The following C8A variants were observed in gnomAD, a reference collection of about 807,000 sequenced individuals.
The protein encoded by C8A is complement C8 alpha chain.
Under a neutral mutation model 65.3 loss-of-function variants are expected in C8A, and 67 were observed. The ratio of observed to expected loss-of-function variants is 1.03; its 90% confidence interval spans 0.84 to 1.26. The LOEUF is 1.26. C8A is among the 50% of genes most tolerant of loss of function. The pLI is 0.00. For missense variants in C8A, 781 were observed against 723.9 expected (o/e 1.08, Z -0.90); for synonymous variants, 290 against 259.4 (o/e 1.12, Z -1.13).
Position 56,854,938 on chromosome 1 carries a change from A to C in C8A, c.37A>C (p.Thr13Pro), listed in dbSNP as rs1198875010. 3 of 1,613,766 alleles carry C rather than the reference A, an allele frequency of 1.9e-6. No individual in the cohort carries two copies. Among genetic ancestry groups the C allele is most frequent in the African/African-American group, 2.7e-5 (2 of 75,004 alleles). Residue 13 changes from threonine to proline, a missense_variant, in exon 1 of 11, where the codon ACT (threonine) becomes CCT (proline). Transcript: ENST00000361249. ...TGTTTTCTTCATCTTGTCTTTGATG[A>C]CTTGTCAGCCTGGGGTAACTGCACA... is the stretch of plus-strand genomic sequence containing the variant. ...AVVFFILSLM[T>P]CQPGVTAQEK...
At chr1:56,904,389 C>A (rs1644448597) in intron 7 of C8A, among the ~76,000 whole-genome samples, 1 of 152,218 alleles carries the variant, frequency 6.6e-6, no homozygotes, top group African/African-American at 2.4e-5. Context: ...GATATGGCCC[C>A]CAGCCTGCTA....
chr1:56,886,132 T>A lies in C8A; in HGVS notation c.1061T>A (p.Ile354Asn), dbSNP rs1392528560. Residue 354 changes from isoleucine to asparagine, a missense_variant, in exon 7 of 11, where the codon ATC (isoleucine) becomes AAC (asparagine). Ile to Asn is a moderately radical substitution (Grantham distance 149). Coordinates refer to ENST00000361249, the MANE Select transcript of C8A (RefSeq NM_000562.3). ...SGSMGGIYEY[I>N]LVIDKAKMES... ...TCCATGGGTGGCATTTATGAATATATCCTGGTGATTGACAAAGCAAAAATG... is the reference window on the plus strand; with the variant it reads ...TCCATGGGTGGCATTTATGAATATAACCTGGTGATTGACAAAGCAAAAATG... The A allele has an allele frequency of 1.9e-6, 3 of 1,614,014 alleles. No individual in the cohort carries two copies. Among genetic ancestry groups the A allele is most frequent in the South Asian group, 1.1e-5 (1 of 91,082 alleles).
At chr1:56,883,070 T>C (rs1196875062) in intron 5 of C8A, among the ~76,000 whole-genome samples, 1 of 152,198 alleles carries the variant, frequency 6.6e-6, no homozygotes, top group Non-Finnish European at 1.5e-5. Context: ...AGGTTTCCTT[T>C]GCTTCTTTCC....
chr1:56,877,392 C>T (rs1378367002), intron 4 of C8A, among the ~76,000 whole-genome samples: 1 of 152,088 alleles, frequency 6.6e-6, no homozygotes, highest in East Asian at 1.9e-4. Flanking sequence ...CCCAGAGACT[C>T]CTGCAAGTCT....
intron 10 of C8A, among the ~76,000 whole-genome samples, chr1:56,916,610 C>A (rs1334471825): frequency 6.6e-6 from 1 of 152,162 alleles, no homozygotes; most frequent in Non-Finnish European, 1.5e-5. Flanking sequence ...GCTGCCCCAG[C>A]AGAGGAGGGC....
At chr1:56,897,245 G>A (rs17114527) in intron 7 of C8A, among the ~76,000 whole-genome samples, 5,378 of 152,188 alleles carry the variant, frequency 0.035, 259 homozygotes, top group African/African-American at 0.1. Flanking sequence ...AATTGTAACT[G>A]GGAGAATTGT....
At chr1:56,872,613 A>C (rs1023907027) in intron 2 of C8A, among the ~76,000 whole-genome samples, 1 of 152,174 alleles carries the variant, frequency 6.6e-6, no homozygotes, top group Non-Finnish European at 1.5e-5. Flanking sequence ...GCTATATTTT[A>C]AAGGAAGGAA....
At chr1:56,879,137 G>A (rs144823581) in intron 4 of C8A, among the ~76,000 whole-genome samples, 74 of 152,154 alleles carry the variant, frequency 4.9e-4, no homozygotes, top group African/African-American at 1.7e-3. Context: ...ACAGCCCTGT[G>A]ACCTGCAAAG....
chr1:56,917,244 A>G (rs1230969367), intron 10 of C8A, among the ~76,000 whole-genome samples: 1 of 152,216 alleles, frequency 6.6e-6, no homozygotes, highest in African/African-American at 2.4e-5. Context: ...AGGATTGCAG[A>G]CCACTCTCAG....
chr1:56,859,098 A>T (rs1425392657), intron 1 of C8A, among the ~76,000 whole-genome samples: 4 of 152,192 alleles, frequency 2.6e-5, no homozygotes, highest in Non-Finnish European at 4.4e-5. Context: ...CAGAATGCTT[A>T]AAAAATGCAT....
At chr1:56,870,989 A>C (rs1321958681) in intron 2 of C8A, among the ~76,000 whole-genome samples, 4 of 152,178 alleles carry the variant, frequency 2.6e-5, no homozygotes, top group Non-Finnish European at 4.4e-5. Flanking sequence ...CCCTAAGGGA[A>C]TATTGGCACC....
intron 1 of C8A, among the ~76,000 whole-genome samples, chr1:56,862,616 T>A (rs560928509): frequency 6.6e-6 from 1 of 152,258 alleles, no homozygotes; most frequent in African/African-American, 2.4e-5. Flanking sequence ...AATAGCACCA[T>A]ATAGACTTGT....
At chr1:56,887,698 G>T (rs1365503863) in intron 7 of C8A, among the ~76,000 whole-genome samples, 1 of 152,126 alleles carries the variant, frequency 6.6e-6, no homozygotes, top group African/African-American at 2.4e-5. Context: ...GTTTACTGCA[G>T]CAGCATTCAC....
At chr1:56,880,914 G>A (rs1321873965) in intron 4 of C8A, among the ~76,000 whole-genome samples, 2 of 152,208 alleles carry the variant, frequency 1.3e-5, no homozygotes, top group African/African-American at 4.8e-5. Context: ...ATGTGGCAGA[G>A]ATGGGAAATG....
At chr1:56,881,808 AG>A (rs1332170183) in intron 5 of C8A, among the ~76,000 whole-genome samples, 174 bp downstream of exon 5, 1 of 152,178 alleles carries the variant, frequency 6.6e-6, no homozygotes, top group African/African-American at 2.4e-5. Flanking sequence ...GGGTGCTGAG[AG>A]GCAGATCATA....
rs750488731 is a variant in C8A, at chr1:56,883,603, C to G, written c.777C>G (p.Ser259Arg). 2 of 1,613,878 alleles carry G rather than the reference C, an allele frequency of 1.2e-6. No homozygotes were observed. Among genetic ancestry groups the G allele is most frequent in the East Asian group, 2.2e-5 (1 of 44,860 alleles). Residue 259 changes from serine to arginine, a missense_variant, in exon 6 of 11, where the codon AGC becomes AGG. By Grantham distance (110) the Ser-to-Arg change is moderately radical (BLOSUM62 -1). Coordinates refer to ENST00000361249, the MANE Select transcript of C8A (RefSeq NM_000562.3). ...CCATCGGCATAGGCCCAGCCGGCAG[C>G]CCTTTATTGGTGGGTGTAGGTGTAT... ...GVTIGIGPAG[S>R]PLLVGVGVSH... is the part of the protein sequence containing the mutation.
rs1381114234 is a variant in C8A, at chr1:56,854,878, A to G, written c.-24A>G. On this transcript the variant is annotated 5_prime_UTR_variant, in exon 1 of 11. In the 5' UTR this introduces an upstream ATG that the reference lacks. Transcript: ENST00000361249. ...GATAGCTTTATTCCTTCAAGGTAATATAGTGCGGTGGCTTCTGGCTGAGAT... is the reference window on the plus strand; with the variant it reads ...GATAGCTTTATTCCTTCAAGGTAATGTAGTGCGGTGGCTTCTGGCTGAGAT... The G allele has an allele frequency of 1.2e-6, 2 of 1,606,206 alleles. No homozygotes were observed. The highest frequency in any genetic ancestry group is 1.3e-5 in the African/African-American group (1 of 74,768).
At chr1:56,902,412 G>A (rs1004831721) in intron 7 of C8A, among the ~76,000 whole-genome samples, 4 of 151,930 alleles carry the variant, frequency 2.6e-5, no homozygotes, top group Non-Finnish European at 4.4e-5. Context: ...ATCCTTAGTC[G>A]CCTCTAATAT....
intron 10 of C8A, among the ~76,000 whole-genome samples, chr1:56,916,485 G>A (rs1644553758): frequency 6.6e-6 from 1 of 152,178 alleles, no homozygotes; most frequent in Non-Finnish European, 1.5e-5. Flanking sequence ...AAGAGACAGA[G>A]AGCCTTGCTG....
Sources: gnomAD v4.1 joint callset for allele counts (sites outside exome capture counted in the v4.1 genomes callset) on GRCh38, gnomAD v4.1.1 for gene constraint, MANE v1.5 for transcripts, NCBI Gene and HGNC (gene_info 2026-07-23, HGNC 2026-07-21) for gene names.